CENPC: variants seen among roughly 807,000 people sequenced by gnomAD.
The protein encoded by CENPC is CENP-C 1.
A neutral mutation model predicts 112.1 loss-of-function variants in CENPC; 63 were observed. The ratio of observed to expected loss-of-function variants is 0.56; its 90% CI spans 0.46 to 0.69. CENPC has a LOEUF of 0.69. Ranked by LOEUF, CENPC falls within the 30% of genes least tolerant of loss-of-function variation. The probability of loss-of-function intolerance (pLI) is 0.00; values close to 1 mark genes in which losing one functional copy is unlikely to be tolerated. For synonymous variants in CENPC, 333 were observed against 367.6 expected (o/e 0.91, Z 1.08); for missense variants, 1,000 against 1,103.8 (o/e 0.91, Z 1.33).
chr4:67,485,314 T>A (rs968241402), intron 17 of CENPC, among the ~76,000 whole-genome samples: 1 of 152,166 alleles, frequency 6.6e-6, no homozygotes, highest in Admixed American at 6.5e-5. Flanking sequence ...TATTCAAACA[T>A]GCCAAATTTC....
intron 12 of CENPC, among the ~76,000 whole-genome samples, chr4:67,497,320 G>A (rs1328560186): frequency 4.6e-5 from 7 of 151,608 alleles, no homozygotes; most frequent in African/African-American, 1.5e-4. Flanking sequence ...GGAGGTTGCA[G>A]TGAGCCGAGA....
intron 12 of CENPC, 31 bp downstream of exon 12, chr4:67,505,174 A>C (rs1725699290): frequency 1.4e-6 from 2 of 1,463,582 alleles, no homozygotes; most frequent in Admixed American, 2.1e-5. Context: ...AATGCCATAA[A>C]AATCAAGACA....
At chr4:67,481,740 A>G (rs1724963312) in intron 17 of CENPC, among the ~76,000 whole-genome samples, 1 of 152,198 alleles carries the variant, frequency 6.6e-6, no homozygotes, top group South Asian at 2.1e-4. Context: ...GCCACCTTAT[A>G]CCAAAATCAA....
intron 15 of CENPC, 86 bp from the exon 16 acceptor site, chr4:67,492,361 G>C (rs992062993): frequency 6.7e-6 from 5 of 748,620 alleles, no homozygotes; most frequent in Non-Finnish European, 4.2e-6. Context: ...TATAGCTATA[G>C]AGAAGTTATA....
At chr4:67,502,797 A>C (rs1004632149) in intron 12 of CENPC, among the ~76,000 whole-genome samples, 2 of 152,014 alleles carry the variant, frequency 1.3e-5, no homozygotes, top group East Asian at 3.9e-4. Context: ...CGGGCCAAAA[A>C]CCTTCAAGTT....
chr4:67,516,655 C>A (rs1726066002), intron 7 of CENPC, among the ~76,000 whole-genome samples: 1 of 151,874 alleles, frequency 6.6e-6, no homozygotes, highest in Non-Finnish European at 1.5e-5. Flanking sequence ...TAATAAAGAA[C>A]AAAGTCAATA....
At chr4:67,510,128 A>G (rs907443877) in intron 9 of CENPC, among the ~76,000 whole-genome samples, 1 of 152,152 alleles carries the variant, frequency 6.6e-6, no homozygotes, top group African/African-American at 2.4e-5. Flanking sequence ...ATCATGCCTC[A>G]CCTCAGACCC....
chr4:67,520,758 T>TC (rs1726202490), intron 5 of CENPC, among the ~76,000 whole-genome samples: 1 of 152,156 alleles, frequency 6.6e-6, no homozygotes, highest in Admixed American at 6.5e-5. Flanking sequence ...ATGCCTGCAA[T>TC]CCCAGCACTT....
At chr4:67,508,033 T>C (rs1725785003) in intron 10 of CENPC, among the ~76,000 whole-genome samples, 1 of 152,166 alleles carries the variant, frequency 6.6e-6, no homozygotes, top group Non-Finnish European at 1.5e-5. Flanking sequence ...AATAGGTTGT[T>C]GGAACTAATA....
In CENPC at chr4:67,493,920, G is replaced by A. The variant is rs1283249234; in HGVS notation, c.2254C>T (p.Arg752Ter). The stretch of plus-strand genomic sequence containing the variant: ...CCTTGATAATCTATTCGCTCTCCTC[G>A]CCAGTACTCCAAAGGTTTCAAACGT... Reference protein sequence around the residue: ...RTRLKPLEYWRGERIDYQGRP... With the variant: ...RTRLKPLEYW The change falls in exon 14 of 19, where the codon CGA (arginine) becomes TGA (stop). Residue 752 changes from arginine to a stop codon, truncating the protein, a stop_gained. Coordinates refer to ENST00000273853, the MANE Select transcript of CENPC (RefSeq NM_001812.4). LOFTEE classifies it high-confidence loss of function. The A allele has an allele frequency of 1.2e-6, 2 of 1,612,486 alleles. No individual in the cohort carries two copies. The highest frequency in any genetic ancestry group is 1.7e-6 in the Non-Finnish European group (2 of 1,179,146).
intron 12 of CENPC, among the ~76,000 whole-genome samples, chr4:67,503,117 C>T (rs1725638228): frequency 6.6e-6 from 1 of 152,132 alleles, no homozygotes; most frequent in South Asian, 2.1e-4. Flanking sequence ...CTTCCCATCG[C>T]TCTTAGTAAA....
Position 67,514,077 on chromosome 4 carries a change from C to A in CENPC, c.1441G>T (p.Val481Leu). ...TATATTTAATATAAACACTTACCCA[C>A]AGGTGGCATCTGTTTTTTGGAAACA... ...DCVSKKQMPP[V>L]GSKKSSTRKD... The change falls in exon 8 of 19, where the codon GTG becomes TTG. Residue 481 changes from valine (V) to leucine (L), a missense_variant. By Grantham distance (32) the Val-to-Leu change is conservative. Coordinates refer to ENST00000273853, the MANE Select transcript of CENPC (RefSeq NM_001812.4). 6.3e-7 allele frequency: 1 copy of A among 1,587,422 alleles called. No homozygotes were observed. Among genetic ancestry groups the A allele is most frequent in the Non-Finnish European group, 8.5e-7 (1 of 1,170,770 alleles).
chr4:67,474,223 C>G (rs1048277732), intron 18 of CENPC, among the ~76,000 whole-genome samples: 1 of 152,046 alleles, frequency 6.6e-6, no homozygotes, highest in East Asian at 1.9e-4. Flanking sequence ...CGCCACCACG[C>G]CCAGCTAATT....
In CENPC at chr4:67,538,672, TTCAA is replaced by T. The variant is rs368982202; in HGVS notation, c.231+1164_231+1167del. Among the ~76,000 whole-genome samples the T allele has an allele frequency of 3.9e-4, 59 of 152,202 alleles. No homozygotes were observed. In the East Asian group the frequency reaches 0.011, roughly 27 times the overall value. ...AGAATGTGCAGATCTCTCTCAAGCA[TTCAA>T]TCAAATATTGATCAGAGAATGCGTT... is the stretch of plus-strand genomic sequence containing the variant. On this transcript the variant is annotated intron_variant, in intron 4 of 18. Coordinates refer to ENST00000273853, the MANE Select transcript of CENPC (RefSeq NM_001812.4).
intron 13 of CENPC, among the ~76,000 whole-genome samples, chr4:67,494,374 G>A (rs1422408776): frequency 6.6e-6 from 1 of 152,118 alleles, no homozygotes; most frequent in Non-Finnish European, 1.5e-5. Flanking sequence ...CTGCTCTTAG[G>A]CATAATGCTC....
chr4:67,491,606 G>C (rs969584366), intron 16 of CENPC, among the ~76,000 whole-genome samples: 1 of 150,140 alleles, frequency 6.7e-6, no homozygotes, highest in African/African-American at 2.5e-5. Context: ...TACATGACCT[G>C]CTAGAGACTA....
chr4:67,501,629 A>G (rs1725593151), intron 12 of CENPC, among the ~76,000 whole-genome samples: 1 of 152,212 alleles, frequency 6.6e-6, no homozygotes, highest in Non-Finnish European at 1.5e-5. Flanking sequence ...AGGAACTGCT[A>G]GTGAAATCTG....
intron 5 of CENPC, among the ~76,000 whole-genome samples, chr4:67,530,023 TG>T (rs1259835189): frequency 1.3e-5 from 2 of 152,052 alleles, no homozygotes; most frequent in African/African-American, 4.8e-5. Context: ...ACTGACCAAC[TG>T]GAAGAAAACA....
At position 67,508,859 on chromosome 4, in the gene CENPC, C is replaced by T; in HGVS notation, c.1859G>A (p.Ser620Asn). Reference sequence around the variant, plus strand: ...CTTCTTAGCCAAGTCTGCCTCATCACTTTCCAATGGCTCACTCAGCGAACA... The same window carrying T: ...CTTCTTAGCCAAGTCTGCCTCATCATTTTCCAATGGCTCACTCAGCGAACA... ...SRCSLSEPLESDEADLAKKKN... is the reference protein window; with the variant it reads ...SRCSLSEPLENDEADLAKKKN... The change falls in exon 10 of 19, where the codon AGT becomes AAT. Residue 620 changes from serine to asparagine, a missense_variant. Physicochemically the swap from Ser to Asn is conservative, Grantham distance 46. Coordinates refer to ENST00000273853, the MANE Select transcript of CENPC (RefSeq NM_001812.4). 6.2e-7 allele frequency: 1 copy of T among 1,613,588 alleles called. No homozygotes were observed. Among genetic ancestry groups the T allele is most frequent in the Non-Finnish European group, 8.5e-7 (1 of 1,179,688 alleles).
Sources: gnomAD v4.1 joint callset for allele counts (sites outside exome capture counted in the v4.1 genomes callset) on GRCh38, gnomAD v4.1.1 for gene constraint, MANE v1.5 for transcripts, NCBI Gene and HGNC (gene_info 2026-07-23, HGNC 2026-07-21) for gene names.